DIPK2A: variants seen among roughly 807,000 people sequenced by gnomAD.
The protein encoded by DIPK2A is divergent protein kinase domain 2A, also known as Golgi Protein of 49 kDa.
Under a neutral mutation model 39.0 loss-of-function variants are expected in DIPK2A, and 27 were observed. That is an observed-to-expected ratio of 0.69 (90% CI 0.51 to 0.96). The LOEUF (loss-of-function observed/expected upper bound fraction) is 0.96, where lower values mean the gene tolerates loss of function less well. DIPK2A is among the 40% of genes least tolerant of loss of function. DIPK2A has a pLI of 0.00. For synonymous variants in DIPK2A, 298 were observed against 240.8 expected, an observed-to-expected ratio of 1.24 and a Z score of -2.20; for missense variants, 528 against 571.3, an observed-to-expected ratio of 0.92 and a Z score of 0.77.
At chr3:143,973,223 G>A in intron 1 of DIPK2A, 1 of 1,107,642 alleles carries the variant, frequency 9.0e-7, no homozygotes, top group Non-Finnish European at 1.3e-6. Flanking sequence ...GCGCATTTCG[G>A]ATTTGACTGT....
At chr3:143,973,288 A>T in intron 1 of DIPK2A, 1 of 1,473,198 alleles carries the variant, frequency 6.8e-7, no homozygotes. Context: ...AAATGTCTCT[A>T]CTGCGAGTTT....
Position 143,972,260 on chromosome 3 carries a change from G to C in DIPK2A, c.-73G>C, listed in dbSNP as rs945040455. On this transcript the variant is annotated 5_prime_UTR_variant, in exon 1 of 3. Transcript: ENST00000315691. ...CTCTCGCCCGGGGTTCCTGCCGGTA[G>C]CTCTCCGGGTCTTGGCGCGGCGGGG... 5.4e-5 allele frequency: 70 copies of C among 1,300,244 alleles called. No individual in the cohort carries two copies. The Admixed American group carries it at 1.2e-3, about 22-fold the overall frequency. 80.5% of individuals were successfully genotyped at this position (1,300,244 alleles called of 1,614,324 possible).
In DIPK2A at chr3:143,972,981, G is replaced by T; in HGVS notation, c.649G>T (p.Val217Leu). The change falls in exon 1 of 3, where the codon GTG becomes TTG. Residue 217 changes from valine to leucine, a missense_variant. Physicochemically the swap from Val to Leu is conservative, Grantham distance 32 (BLOSUM62 1). This residue lies in a region of DIPK2A where 219 missense variants were observed against 281.5 expected (regional missense o/e 0.78). Coordinates refer to ENST00000315691, the MANE Select transcript of DIPK2A (RefSeq NM_173552.5). ...CCTGGCCTTCAACCCCGAGCCGCTG[G>T]TGCTACAGGTAGGCGCGGAGCCAGG... is the stretch of plus-strand genomic sequence containing the variant. ...LTLAFNPEPL[V>L]LQSFPSDEGW... 1 of 1,584,442 alleles carries T rather than the reference G, an allele frequency of 6.3e-7. No homozygotes were observed. The highest frequency in any genetic ancestry group is 8.6e-7 in the Non-Finnish European group (1 of 1,168,268).
At chr3:143,973,764 T>G in intron 1 of DIPK2A, 7 of 597,222 alleles carry the variant, frequency 1.2e-5, no homozygotes, top group Non-Finnish European at 2.1e-5. Context: ...GGAAGGAGAT[T>G]CTTGCCTTTC....
chr3:143,973,582 C>T (rs780381348), intron 1 of DIPK2A: 5 of 1,519,958 alleles, frequency 3.3e-6, no homozygotes, highest in African/African-American at 1.4e-5. Flanking sequence ...ATCTGTGAGC[C>T]GAGCTTTGGG....
chr3:143,983,016 C>A (rs1355276017), intron 1 of DIPK2A, among the ~76,000 whole-genome samples: 4 of 152,144 alleles, frequency 2.6e-5, no homozygotes, highest in Admixed American at 6.5e-5. Context: ...CGGATCAATG[C>A]AACAAGAAGA....
chr3:143,979,886 G>A (rs1316731691), intron 1 of DIPK2A, among the ~76,000 whole-genome samples: 2 of 152,236 alleles, frequency 1.3e-5, no homozygotes, highest in East Asian at 3.9e-4. Context: ...GGAATTTGAG[G>A]TGGGTGGAAA....
intron 2 of DIPK2A, among the ~76,000 whole-genome samples, chr3:143,987,390 C>G (rs141066493): frequency 1.7e-3 from 266 of 152,294 alleles, no homozygotes; most frequent in African/African-American, 6.0e-3. Flanking sequence ...CTGTATTCTT[C>G]CATTTCATAC....
At chr3:143,980,630 CTT>C (rs35995293) in intron 1 of DIPK2A, among the ~76,000 whole-genome samples, 250 of 147,234 alleles carry the variant, frequency 1.7e-3, no homozygotes, top group Admixed American at 2.6e-3. Flanking sequence ...CAAGCTTAAA[CTT>C]TTTTTTTTTT....
At chr3:143,985,902 G>A in intron 2 of DIPK2A, 56 bp downstream of exon 2, 1 of 1,382,926 alleles carries the variant, frequency 7.2e-7, no homozygotes, top group South Asian at 1.4e-5. Flanking sequence ...TCAAAATAAT[G>A]TTTATACTTG....
chr3:143,973,744 C>T lies in DIPK2A; in HGVS notation c.657+755C>T, dbSNP rs1430889955. The T allele has an allele frequency of 6.6e-6, 4 of 606,316 alleles. No individual in the cohort carries two copies. In the East Asian group the frequency reaches 1.1e-4, roughly 17 times the overall value. The allele number at this position is 606,316 out of a possible 1,614,324, so 37.6% of individuals were successfully genotyped here. On this transcript the variant is annotated intron_variant, in intron 1 of 2. Transcript: ENST00000315691. ...AGGGAGATGAAATATTAGGCCAGGG[C>T]GAGTATCAGGGAAGGAGATTCTTGC...
chr3:143,979,914 A>G lies in DIPK2A; in HGVS notation c.658-5629A>G, dbSNP rs546107979. ...GGTGGAAAATGGCATTCAGAAAATTATTTCATGAAATAAATGGGACATATG... is the reference window on the plus strand; with the variant it reads ...GGTGGAAAATGGCATTCAGAAAATTGTTTCATGAAATAAATGGGACATATG... On this transcript the variant is annotated intron_variant, in intron 1 of 2. Coordinates refer to ENST00000315691, the MANE Select transcript of DIPK2A (RefSeq NM_173552.5). Among the ~76,000 whole-genome samples the G allele has an allele frequency of 5.3e-4, 81 of 152,346 alleles. No homozygotes were observed. The South Asian group carries it at 6.6e-3, about 12-fold the overall frequency.
rs974466212 is a variant in DIPK2A at position 143,972,056 on chromosome 3, C to G, written c.-277C>G. 1 of 366,352 alleles carries G rather than the reference C, an allele frequency of 2.7e-6. No homozygotes were observed. The allele number at this position is 366,352 out of a possible 1,614,324, so 22.7% of individuals were successfully genotyped here. On this transcript the variant is annotated 5_prime_UTR_variant, in exon 1 of 3. Coordinates refer to ENST00000315691, the MANE Select transcript of DIPK2A (RefSeq NM_173552.5). ...TCCCGCTCCTCTATAACTTGGCTGG[C>G]GTGGAGGAGGCGCCGCCGGAGTCGG...
intron 1 of DIPK2A, among the ~76,000 whole-genome samples, chr3:143,979,171 A>G (rs2087792420): frequency 6.6e-6 from 1 of 152,182 alleles, no homozygotes. Context: ...TTCAAATGTC[A>G]CTGTCCTTAC....
chr3:143,977,196 T>C lies in DIPK2A; in HGVS notation c.657+4207T>C, dbSNP rs559705942. 1.6e-4 allele frequency among the ~76,000 whole-genome samples: 25 copies of C among 152,094 alleles called. 1 individual carries two copies. The highest frequency in any genetic ancestry group is 3.5e-4 in the Non-Finnish European group (24 of 67,916). On this transcript the variant is annotated intron_variant, in intron 1 of 2. Transcript: ENST00000315691. ...AAACAAAAGATTATTTAGCTAACGG[T>C]ACTTTAGAAAAGTTGATAGATTTTT... is the stretch of plus-strand genomic sequence containing the variant.
chr3:143,992,171 A>T lies in DIPK2A; in HGVS notation c.*2330A>T, dbSNP rs2087996932. 1 of 152,648 alleles carries T rather than the reference A, an allele frequency of 6.6e-6. No individual in the cohort carries two copies. The highest frequency in any genetic ancestry group is 1.9e-4 in the East Asian group (1 of 5,208). 9.5% of individuals were successfully genotyped at this position (152,648 alleles called of 1,614,324 possible). A position where few individuals can be genotyped will look rare whatever the true frequency, so the allele number is the denominator to read the frequency against. ...TATATGGCAGCAATTTATATTTTTA[A>T]TCATTGCCCATTAATAGACGCAGTA... On this transcript the variant is annotated 3_prime_UTR_variant, in exon 3 of 3. Coordinates refer to ENST00000315691, the MANE Select transcript of DIPK2A (RefSeq NM_173552.5).
rs1051849341 is a variant in DIPK2A at position 143,972,783 on chromosome 3, G to C, written c.451G>C (p.Gly151Arg). ...CCGGACCGAGTTCGCGCGCCTCAAC[G>C]GCGACGTGCGTCTGCTCACGCCCGA... ...MPRTEFARLN[G>R]DVRLLTPEAV... The change falls in exon 1 of 3, where the codon GGC (glycine) becomes CGC (arginine). Residue 151 changes from glycine (G) to arginine (R), a missense_variant. By Grantham distance (125) the Gly-to-Arg change is moderately radical. This residue lies in a region of DIPK2A where 309 missense variants were observed against 289.8 expected (regional missense o/e 1.07). Transcript: ENST00000315691. 2 of 1,569,126 alleles carry C rather than the reference G, an allele frequency of 1.3e-6. No individual in the cohort carries two copies. The highest frequency in any genetic ancestry group is 1.8e-5 in the Admixed American group (1 of 55,080).
intron 1 of DIPK2A, chr3:143,973,364 T>G: frequency 6.5e-7 from 1 of 1,546,404 alleles, no homozygotes; most frequent in Non-Finnish European, 8.7e-7. Context: ...CGGCGCAGAC[T>G]GTTCACGAGC....
chr3:143,972,692 G>A lies in DIPK2A; in HGVS notation c.360G>A (p.Gln120=). The change falls in exon 1 of 3, where the codon CAG becomes CAA. Residue 120 remains glutamine, a synonymous_variant. Coordinates refer to ENST00000315691, the MANE Select transcript of DIPK2A (RefSeq NM_173552.5). ...KRLGSQRELA[Q]LDQSICKRAT... is the part of the protein sequence containing the mutation. ...TCGGCTCGCAGCGCGAGCTGGCGCA[G>A]CTCGACCAGAGCATCTGCAAGCGGG... 1 of 1,607,098 alleles carries A rather than the reference G, an allele frequency of 6.2e-7. No homozygotes were observed. The highest frequency in any genetic ancestry group is 8.5e-7 in the Non-Finnish European group (1 of 1,177,668).
Sources: allele counts gnomAD v4.1 joint callset (sites outside exome capture counted in the v4.1 genomes callset), GRCh38; gene constraint gnomAD v4.1.1; regional missense constraint gnomAD v4.1.1; transcripts MANE v1.5; gene names NCBI Gene and HGNC (gene_info 2026-07-23, HGNC 2026-07-21).